SRPK2: variants seen among roughly 807,000 people sequenced by gnomAD.
SRPK2 encodes SFRS protein kinase 2.
In SRPK2, 21 loss-of-function variants were observed where a neutral mutation model predicts 90.8. The ratio of observed to expected loss-of-function variants is 0.23; its 90% confidence interval spans 0.16 to 0.33. The LOEUF is 0.33. SRPK2 is among the 10% of genes least tolerant of loss of function. The pLI, the probability that SRPK2 is intolerant of heterozygous loss-of-function variation, is 1.00. For synonymous variants in SRPK2, 288 were observed against 311.1 expected, an observed-to-expected ratio of 0.93 and a Z score of 0.78; for missense variants, 620 against 869.0, an observed-to-expected ratio of 0.71 and a Z score of 3.60.
intron 13 of SRPK2, among the ~76,000 whole-genome samples, chr7:105,131,912 C>A (rs1022814102): frequency 6.6e-6 from 1 of 152,126 alleles, no homozygotes; most frequent in Non-Finnish European, 1.5e-5. Flanking sequence ...TAAGTAAATA[C>A]CACTGAGAAA....
At chr7:105,155,509 T>C (rs1229732132) in intron 7 of SRPK2, among the ~76,000 whole-genome samples, 3 of 152,162 alleles carry the variant, frequency 2.0e-5, no homozygotes, top group South Asian at 2.1e-4. Flanking sequence ...TTCAGAGATA[T>C]TTCTAATTGC....
intron 2 of SRPK2, among the ~76,000 whole-genome samples, chr7:105,214,913 CT>C (rs1797269282): frequency 6.6e-6 from 1 of 152,130 alleles, no homozygotes; most frequent in Non-Finnish European, 1.5e-5. Flanking sequence ...AAACACAAAA[CT>C]GGGGGATTCG....
chr7:105,229,084 G>A (rs1350812711), intron 2 of SRPK2, among the ~76,000 whole-genome samples: 1 of 152,158 alleles, frequency 6.6e-6, no homozygotes, highest in East Asian at 1.9e-4. Flanking sequence ...CCAGCACCGA[G>A]TTCAGGGAAC....
chr7:105,283,390 A>G (rs188825479), intron 2 of SRPK2, among the ~76,000 whole-genome samples: 2 of 152,388 alleles, frequency 1.3e-5, no homozygotes, highest in African/African-American at 4.8e-5. Context: ...GTGGGAACTC[A>G]TATGTCCATC....
At chr7:105,391,183 AATTTATTTATTTATTT>A, upstream of SRPK2, among the ~76,000 whole-genome samples, 1 of 148,404 alleles carries the variant, frequency 6.7e-6, no homozygotes, top group South Asian at 2.2e-4. Flanking sequence ...ATGACTATAA[AATTTATTTATTTATTT>A]ATTTATTTAT....
At chr7:105,257,766 T>C (rs1351576814) in intron 2 of SRPK2, among the ~76,000 whole-genome samples, 1 of 152,118 alleles carries the variant, frequency 6.6e-6, no homozygotes, top group South Asian at 2.1e-4. Flanking sequence ...TAAAGAAAAT[T>C]AAGCTTTAAA....
intron 2 of SRPK2, among the ~76,000 whole-genome samples, chr7:105,385,770 T>C (rs1343548027): frequency 6.6e-6 from 1 of 152,224 alleles, no homozygotes; most frequent in East Asian, 1.9e-4. Flanking sequence ...ACTTTTCCTG[T>C]GTCCCTGTTT....
At chr7:105,179,082 G>A (rs1192516697) in intron 3 of SRPK2, among the ~76,000 whole-genome samples, 2 of 152,124 alleles carry the variant, frequency 1.3e-5, no homozygotes, top group Non-Finnish European at 2.9e-5. Context: ...AAATCACACA[G>A]ATTAAAGGTC....
At chr7:105,238,814 GAAGA>G (rs1800449072) in intron 2 of SRPK2, among the ~76,000 whole-genome samples, 1 of 152,098 alleles carries the variant, frequency 6.6e-6, no homozygotes, top group South Asian at 2.1e-4. Flanking sequence ...TGAACACAAT[GAAGA>G]AAGTAACATC....
chr7:105,140,832 GCGC>G (rs1803636827), intron 11 of SRPK2, among the ~76,000 whole-genome samples: 1 of 151,780 alleles, frequency 6.6e-6, no homozygotes, highest in Admixed American at 6.6e-5. Flanking sequence ...ATGGTGGCAC[GCGC>G]CTATAATCCC....
intron 3 of SRPK2, among the ~76,000 whole-genome samples, chr7:105,188,012 C>G (rs1793810223): frequency 6.6e-6 from 1 of 152,248 alleles, no homozygotes; most frequent in Admixed American, 6.5e-5. Context: ...TATGACCCAG[C>G]ACTTCCACTC....
At chr7:105,178,622 T>C (rs972204148) in intron 3 of SRPK2, among the ~76,000 whole-genome samples, 1 of 151,938 alleles carries the variant, frequency 6.6e-6, no homozygotes, top group South Asian at 2.1e-4. Context: ...AGTTCGAGAC[T>C]AGCCTGGGCA....
chr7:105,256,985 T>G (rs1228950968), intron 2 of SRPK2, among the ~76,000 whole-genome samples: 1 of 152,260 alleles, frequency 6.6e-6, no homozygotes, highest in East Asian at 1.9e-4. Context: ...AGCTACTCAC[T>G]GTAGTGTTGT....
intron 3 of SRPK2, among the ~76,000 whole-genome samples, chr7:105,180,477 T>C (rs1792630411): frequency 6.6e-6 from 1 of 152,108 alleles, no homozygotes; most frequent in Admixed American, 6.5e-5. Context: ...CTGGAAAGGC[T>C]GGGTGCAGTG....
intron 2 of SRPK2, among the ~76,000 whole-genome samples, chr7:105,348,425 C>CT (rs1198801071): frequency 0.022 from 2,528 of 117,562 alleles, 39 homozygotes; most frequent in East Asian, 0.07. Flanking sequence ...TTTTTTCTTT[C>CT]TTTTTTTTTT....
At chr7:105,164,568 G>A (rs1195937250) in intron 6 of SRPK2, among the ~76,000 whole-genome samples, 1 of 152,142 alleles carries the variant, frequency 6.6e-6, no homozygotes, top group African/African-American at 2.4e-5. Context: ...GCAACTAAAT[G>A]GCTGATATGA....
intron 2 of SRPK2, among the ~76,000 whole-genome samples, chr7:105,261,200 T>C (rs1382180066): frequency 6.6e-6 from 1 of 152,166 alleles, no homozygotes; most frequent in Admixed American, 6.5e-5. Context: ...AAAATAAATG[T>C]AACAATAAGC....
At chr7:105,380,728 T>C (rs928977719) in intron 2 of SRPK2, among the ~76,000 whole-genome samples, 3 of 151,756 alleles carry the variant, frequency 2.0e-5, no homozygotes, top group Non-Finnish European at 2.9e-5. Context: ...TTCGCCATGT[T>C]GGTCAGGATG....
chr7:105,237,380 C>T (rs1800265114), intron 2 of SRPK2, among the ~76,000 whole-genome samples: 1 of 152,178 alleles, frequency 6.6e-6, no homozygotes, highest in Non-Finnish European at 1.5e-5. Flanking sequence ...CTGAAAAGCA[C>T]ATTACACCTT....
Sources: allele counts gnomAD v4.1 joint callset (sites outside exome capture counted in the v4.1 genomes callset), GRCh38; gene constraint gnomAD v4.1.1; transcripts MANE v1.5; gene names NCBI Gene and HGNC (gene_info 2026-07-23, HGNC 2026-07-21).